The following NAALAD2 variants were observed in gnomAD, a reference collection of about 807,000 sequenced individuals.
NAALAD2 encodes the protein N-acetylated alpha-linked acidic dipeptidase 2.
Under a neutral mutation model 95.6 loss-of-function variants are expected in NAALAD2, and 89 were observed. The ratio of observed to expected loss-of-function variants is 0.93; its 90% CI spans 0.78 to 1.11. The LOEUF (loss-of-function observed/expected upper bound fraction) is 1.11. Ranked by LOEUF, NAALAD2 falls within the 50% of genes least tolerant of loss-of-function variation. NAALAD2 has a pLI of 0.00. For synonymous variants in NAALAD2, 264 were observed against 294.4 expected (o/e 0.90, Z 1.06); for missense variants, 894 against 872.4 (o/e 1.02, Z -0.31).
In NAALAD2 at chr11:90,192,591, A is replaced by G. The variant is rs951767958; in HGVS notation, c.*844A>G. The stretch of plus-strand genomic sequence containing the variant: ...TATTGTATGAAAATTAAGCCTCAAT[A>G]AACGTGATTATAAAAAACAAGTCTG... On this transcript the variant is annotated 3_prime_UTR_variant, in exon 19 of 19. Coordinates refer to ENST00000534061, the MANE Select transcript of NAALAD2 (RefSeq NM_005467.4). The G allele has an allele frequency of 6.6e-6, 1 of 152,022 alleles. No homozygotes were observed. The highest frequency in any genetic ancestry group is 2.4e-5 in the African/African-American group (1 of 41,446). 9.4% of individuals were successfully genotyped at this position (152,022 alleles called of 1,614,324 possible). A position where few individuals can be genotyped will look rare whatever the true frequency, so the allele number is the denominator to read the frequency against.
chr11:90,170,035 T>G, intron 12 of NAALAD2, 34 bp from the exon 13 acceptor site: 1 of 1,245,646 alleles, frequency 8.0e-7, no homozygotes, highest in African/African-American at 1.5e-5. Context: ...TTTAGAAGTA[T>G]GAAATAATAC....
chr11:90,185,275 A>G (rs1382849916), intron 18 of NAALAD2, among the ~76,000 whole-genome samples: 2 of 152,040 alleles, frequency 1.3e-5, no homozygotes, highest in African/African-American at 2.4e-5. Context: ...ATAAATTTAC[A>G]TATGTAATCA....
intron 18 of NAALAD2, among the ~76,000 whole-genome samples, chr11:90,185,223 T>C (rs1857099818): frequency 1.3e-5 from 2 of 151,894 alleles, no homozygotes; most frequent in African/African-American, 4.8e-5. Flanking sequence ...ACACAATATA[T>C]AAACAATTTT....
At position 90,173,825 on chromosome 11, in the gene NAALAD2, T is replaced by A. The variant is rs780119685; in HGVS notation, c.1412T>A (p.Ile471Asn). 3.7e-6 allele frequency: 6 copies of A among 1,607,900 alleles called. No homozygotes were observed. The highest frequency in any genetic ancestry group is 5.1e-6 in the Non-Finnish European group (6 of 1,177,894). The change falls in exon 14 of 19, where the codon ATC (isoleucine) becomes AAC (asparagine). Residue 471 changes from isoleucine (I) to asparagine (N), a missense_variant and splice_region_variant. By Grantham distance (149) the Ile-to-Asn change is moderately radical. Transcript: ENST00000534061. ...CCAGTATTTGATTTCTCTTTCCAGA[T>A]CCCCAGCCCTGATGATGGGTTTGAG... is the stretch of plus-strand genomic sequence containing the variant. ...YQLVYKLTKEIPSPDDGFESK... is the reference protein window; with the variant it reads ...YQLVYKLTKENPSPDDGFESK...
At chr11:90,179,448 A>G (rs1031011642) in intron 16 of NAALAD2, among the ~76,000 whole-genome samples, 2 of 152,104 alleles carry the variant, frequency 1.3e-5, no homozygotes, top group Non-Finnish European at 2.9e-5. Context: ...TGGAATAGTA[A>G]TGACTTCTGA....
intron 11 of NAALAD2, among the ~76,000 whole-genome samples, chr11:90,167,365 C>G (rs1952496061): frequency 6.6e-6 from 1 of 152,226 alleles, no homozygotes; most frequent in Non-Finnish European, 1.5e-5. Context: ...CTCGCTGGGC[C>G]TTAGCTGCCT....
intron 18 of NAALAD2, among the ~76,000 whole-genome samples, chr11:90,191,290 C>G (rs1224348610): frequency 6.7e-6 from 1 of 149,378 alleles, no homozygotes; most frequent in Non-Finnish European, 1.5e-5. Flanking sequence ...AGCAATTATT[C>G]TGCACAACTT....
intron 2 of NAALAD2, among the ~76,000 whole-genome samples, chr11:90,141,047 T>C (rs766080650): frequency 1.3e-5 from 2 of 152,154 alleles, no homozygotes; most frequent in Non-Finnish European, 2.9e-5. Context: ...CTAGATTCTC[T>C]CTTTTGTAGA....
chr11:90,188,109 C>G (rs1857215824), intron 18 of NAALAD2, among the ~76,000 whole-genome samples: 1 of 152,100 alleles, frequency 6.6e-6, no homozygotes, highest in South Asian at 2.1e-4. Flanking sequence ...TTTGAACTGA[C>G]CCCTTTAATT....
At chr11:90,145,740 G>A (rs974470320) in intron 2 of NAALAD2, among the ~76,000 whole-genome samples, 2 of 152,288 alleles carry the variant, frequency 1.3e-5, no homozygotes, top group Non-Finnish European at 2.9e-5. Flanking sequence ...GATTCAGGTA[G>A]ATGGGACAAT....
rs139232334 is a variant in NAALAD2, at chr11:90,170,717, G to C, written c.1410+581G>C. ...GGCTGGGGGAAGTTGAGGAGCATAA[G>C]AAGAGGTTTGCAGAGTCACTGATGT... On this transcript the variant is annotated intron_variant, in intron 13 of 18. Transcript: ENST00000534061. Among the ~76,000 whole-genome samples, 232 of 152,286 alleles carry C rather than the reference G, an allele frequency of 1.5e-3. 1 individual carries two copies. The highest frequency in any genetic ancestry group is 5.2e-3 in the African/African-American group (215 of 41,564).
chr11:90,155,442 A>G lies in NAALAD2; in HGVS notation c.797-2703A>G, dbSNP rs563640314. Among the ~76,000 whole-genome samples the G allele has an allele frequency of 2.9e-5, 3 of 103,512 alleles. No individual in the cohort carries two copies. In the Admixed American group the frequency reaches 4.2e-4, roughly 14 times the overall value. The allele number at this position is 103,512 out of a possible 152,430, so 67.9% of individuals were successfully genotyped here. On this transcript the variant is annotated intron_variant, in intron 6 of 18. Coordinates refer to ENST00000534061, the MANE Select transcript of NAALAD2 (RefSeq NM_005467.4). ...ACATATTATACATGTAATATATAATATATAATATGTAATATGTAATATTAC... is the reference window on the plus strand; with the variant it reads ...ACATATTATACATGTAATATATAATGTATAATATGTAATATGTAATATTAC...
intron 5 of NAALAD2, 52 bp from the exon 6 acceptor site, chr11:90,152,246 T>C: frequency 6.7e-7 from 1 of 1,484,528 alleles, no homozygotes; most frequent in Non-Finnish European, 9.1e-7. Context: ...CTTATATGAA[T>C]AAGCCAACCA....
chr11:90,179,399 G>C (rs1199681990), intron 16 of NAALAD2, among the ~76,000 whole-genome samples: 1 of 151,992 alleles, frequency 6.6e-6, no homozygotes, highest in East Asian at 1.9e-4. Flanking sequence ...TTACTATGGG[G>C]CTATGTAGAG....
At chr11:90,189,954 C>G (rs1857274289) in intron 18 of NAALAD2, among the ~76,000 whole-genome samples, 1 of 152,058 alleles carries the variant, frequency 6.6e-6, no homozygotes, top group African/African-American at 2.4e-5. Context: ...TCATCATATA[C>G]TTGAAACCTT....
At chr11:90,145,243 C>A (rs7130248) in intron 2 of NAALAD2, among the ~76,000 whole-genome samples, 68,612 of 151,794 alleles carry the variant, frequency 0.45, 16,565 homozygotes, top group African/African-American at 0.62. Flanking sequence ...GTATGCCTGG[C>A]GCTGTAATGC....
At chr11:90,182,651 CTT>C (rs1288821715) in intron 17 of NAALAD2, among the ~76,000 whole-genome samples, 1 of 151,876 alleles carries the variant, frequency 6.6e-6, no homozygotes, top group Non-Finnish European at 1.5e-5. Context: ...TATAGAATGT[CTT>C]TGAGTCCCTT....
intron 18 of NAALAD2, among the ~76,000 whole-genome samples, chr11:90,184,706 C>T (rs1857074687): frequency 2.0e-5 from 3 of 152,042 alleles, no homozygotes; most frequent in African/African-American, 7.2e-5. Flanking sequence ...CCCTTGCCCC[C>T]TACACCCAGT....
chr11:90,174,428 T>G (rs1481774269), intron 14 of NAALAD2, among the ~76,000 whole-genome samples: 2 of 152,200 alleles, frequency 1.3e-5, no homozygotes, highest in Non-Finnish European at 2.9e-5. Flanking sequence ...CAAATAGATC[T>G]AGTTTTGCAA....
Sources: gnomAD v4.1 joint callset for allele counts (sites outside exome capture counted in the v4.1 genomes callset) on GRCh38, gnomAD v4.1.1 for gene constraint, MANE v1.5 for transcripts, NCBI Gene and HGNC (gene_info 2026-07-23, HGNC 2026-07-21) for gene names.